Variants in DCAF15 observed in about 807,000 individuals in gnomAD.
The protein encoded by DCAF15 is DDB1- and CUL4-associated factor 15.
A neutral mutation model predicts 68.0 loss-of-function variants in DCAF15; 24 were observed. The observed-to-expected ratio is 0.35, with a 90% CI of 0.26 to 0.50. DCAF15 has a LOEUF of 0.50. DCAF15 is among the 20% of genes least tolerant of loss of function. DCAF15 has a pLI of 0.98. For missense variants in DCAF15, 627 were observed against 830.6 expected, an observed-to-expected ratio of 0.75 and a Z score of 3.01; for synonymous variants, 376 against 341.6, an observed-to-expected ratio of 1.10 and a Z score of -1.11.
In DCAF15 at chr19:13,960,048, C is replaced by A; in HGVS notation, c.1505C>A (p.Pro502His). 6.2e-7 allele frequency: 1 copy of A among 1,613,788 alleles called. No homozygotes were observed. The highest frequency in any genetic ancestry group is 1.3e-5 in the African/African-American group (1 of 75,046). The stretch of plus-strand genomic sequence containing the variant: ...CTGCTGCTCCTGGCCTTCCCGTCCC[C>A]CACTGAGGAGGGCCAGCTCCGGTGA... ...IGLLLLAFPSPTEEGQLRPKT... is the reference protein window; with the variant it reads ...IGLLLLAFPSHTEEGQLRPKT... The change falls in exon 10 of 13, where the codon CCC becomes CAC. Residue 502 changes from proline (P) to histidine (H), a missense_variant. Around this residue, in one of 3 missense-constraint regions of DCAF15, gnomAD observed 118 missense variants for 211.8 expected, o/e 0.56. Transcript: ENST00000254337.
intron 4 of DCAF15, 44 bp downstream of exon 4, chr19:13,956,062 G>C (rs890362339): frequency 1.2e-6 from 2 of 1,612,258 alleles, no homozygotes; most frequent in Non-Finnish European, 1.7e-6. Context: ...TTGGGGCAGG[G>C]GGTGTGCAGT....
Position 13,959,369 on chromosome 19 carries a change from C to T in DCAF15, c.1109C>T (p.Pro370Leu), listed in dbSNP as rs1323782944. The change falls in exon 7 of 13, where the codon CCC (proline) becomes CTC (leucine). Residue 370 changes from proline (P) to leucine (L), a missense_variant. This residue lies in a region of DCAF15 where 236 missense variants were observed against 225.1 expected (regional missense o/e 1.05). Coordinates refer to ENST00000254337, the MANE Select transcript of DCAF15 (RefSeq NM_138353.4). ...CTAGCCCTGTGTGGAGAGACGGCACCCCGGGACAGCCCCCCTGCCTCGGAG... is the reference window on the plus strand; with the variant it reads ...CTAGCCCTGTGTGGAGAGACGGCACTCCGGGACAGCCCCCCTGCCTCGGAG... ...EPLALCGETA[P>L]RDSPPASEAP... is the part of the protein sequence containing the mutation. 3 of 1,605,898 alleles carry T rather than the reference C, an allele frequency of 1.9e-6. No homozygotes were observed. The highest frequency in any genetic ancestry group is 2.5e-6 in the Non-Finnish European group (3 of 1,179,754).
At chr19:13,953,737 C>T (rs904517097) in intron 1 of DCAF15, among the ~76,000 whole-genome samples, 14 of 152,324 alleles carry the variant, frequency 9.2e-5, no homozygotes, top group African/African-American at 2.9e-4. Flanking sequence ...CAGATCCTTC[C>T]GCGGTGAAGT....
intron 3 of DCAF15, 72 bp from the exon 4 acceptor site, chr19:13,955,840 A>C: frequency 4.0e-6 from 6 of 1,494,686 alleles, no homozygotes; most frequent in Non-Finnish European, 5.5e-6. Context: ...CTGATGAGGG[A>C]CTGCATCGTA....
intron 1 of DCAF15, chr19:13,953,354 G>T (rs1973177988): frequency 3.9e-6 from 2 of 514,416 alleles, no homozygotes; most frequent in Admixed American, 3.8e-5. Context: ...GACAGGGACT[G>T]CGCCTTCTCC....
Position 13,955,974 on chromosome 19 carries a change from C to T in DCAF15, c.429C>T (p.Cys143=), listed in dbSNP as rs1192465242. Residue 143 remains cysteine, a synonymous_variant, in exon 4 of 13, where the codon TGC becomes TGT. Coordinates refer to ENST00000254337, the MANE Select transcript of DCAF15 (RefSeq NM_138353.4). The stretch of plus-strand genomic sequence containing the variant: ...ACAGCGACCTGTACCTGACCGTATG[C>T]GAGTGGCCCAGCGACGCCTCCAAGG... ...EIYSDLYLTV[C]EWPSDASKVI... The T allele has an allele frequency of 1.1e-5, 17 of 1,613,872 alleles. No individual in the cohort carries two copies. Among genetic ancestry groups the T allele is most frequent in the Non-Finnish European group, 1.1e-5 (13 of 1,180,008 alleles).
In DCAF15 at chr19:13,954,678, A is replaced by C. The variant is rs777135794; in HGVS notation, c.366+17A>C. The stretch of plus-strand genomic sequence containing the variant: ...CTCAAGCTGGTAGGGAGGCTTCAAC[A>C]CCAGGCTGGCCCTTCAGATGGTGTG... On this transcript the variant is annotated intron_variant, in intron 3 of 12. Coordinates refer to ENST00000254337, the MANE Select transcript of DCAF15 (RefSeq NM_138353.4). The C allele has an allele frequency of 6.2e-7, 1 of 1,613,656 alleles. No individual in the cohort carries two copies.
rs1394679445 is a variant in DCAF15, at chr19:13,959,465, C to T, written c.1205C>T (p.Thr402Met). 15 of 1,609,134 alleles carry T rather than the reference C, an allele frequency of 9.3e-6. No homozygotes were observed. The highest frequency in any genetic ancestry group is 4.0e-5 in the African/African-American group (3 of 74,830). Residue 402 changes from threonine to methionine, a missense_variant, in exon 7 of 13, where the codon ACG (threonine) becomes ATG (methionine). By Grantham distance (81) the Thr-to-Met change is moderately conservative. This residue lies in a region of DCAF15 where 236 missense variants were observed against 225.1 expected (regional missense o/e 1.05). Coordinates refer to ENST00000254337, the MANE Select transcript of DCAF15 (RefSeq NM_138353.4). ...TATGTGCTGGAGTCCGGAGAGGGGACGGAGCCGGAGGATGGTGAGCGGGGG... is the reference window on the plus strand; with the variant it reads ...TATGTGCTGGAGTCCGGAGAGGGGATGGAGCCGGAGGATGGTGAGCGGGGG... ...LYYVLESGEGTEPEDELEDDK... is the reference protein window; with the variant it reads ...LYYVLESGEGMEPEDELEDDK...
chr19:13,954,267 G>A, intron 1 of DCAF15, 73 bp from the exon 2 acceptor site: 1 of 1,338,694 alleles, frequency 7.5e-7, no homozygotes, highest in African/African-American at 1.4e-5. Flanking sequence ...GAGCCGCTCT[G>A]CCTCTCTGCC....
intron 6 of DCAF15, 58 bp downstream of exon 6, chr19:13,956,580 C>G (rs544632606): frequency 6.3e-7 from 1 of 1,580,360 alleles, no homozygotes; most frequent in African/African-American, 1.3e-5. Context: ...CTCTCCCTAC[C>G]CCACCACACA....
At chr19:13,956,634 A>G (rs1973376807) in intron 6 of DCAF15, 112 bp downstream of exon 6, 2 of 1,220,416 alleles carry the variant, frequency 1.6e-6, no homozygotes, top group Non-Finnish European at 2.3e-6. Flanking sequence ...TACTTCCCCA[A>G]GTCACACAGC....
rs768136755 is a variant in DCAF15, at chr19:13,959,840, C to T, written c.1385C>T (p.Ala462Val). Reference sequence around the variant, plus strand: ...ATCAATGAGGTCATCCGCCACGACGCTACCTGGGGCCATCAGTTCTGTTCT... The same window carrying T: ...ATCAATGAGGTCATCCGCCACGACGTTACCTGGGGCCATCAGTTCTGTTCT... ...YVINEVIRHD[A>V]TWGHQFCSFS... The change falls in exon 9 of 13, where the codon GCT (alanine) becomes GTT (valine). Residue 462 changes from alanine (A) to valine (V), a missense_variant. By Grantham distance (64) the Ala-to-Val change is moderately conservative. Transcript: ENST00000254337. 1.9e-6 allele frequency: 3 copies of T among 1,562,088 alleles called. No individual in the cohort carries two copies. Among genetic ancestry groups the T allele is most frequent in the South Asian group, 1.1e-5 (1 of 90,144 alleles).
At position 13,961,219 on chromosome 19, in the gene DCAF15, C is replaced by G; in HGVS notation, c.*224C>G. ...GGGAAGGGGCAGAGAGAGGGCGCCCCCTGCCCCACCAGCCTGAGTGCCCCG... is the reference window on the plus strand; with the variant it reads ...GGGAAGGGGCAGAGAGAGGGCGCCCGCTGCCCCACCAGCCTGAGTGCCCCG... On this transcript the variant is annotated 3_prime_UTR_variant, in exon 13 of 13. Coordinates refer to ENST00000254337, the MANE Select transcript of DCAF15 (RefSeq NM_138353.4). 1 of 598,116 alleles carries G rather than the reference C, an allele frequency of 1.7e-6. No individual in the cohort carries two copies. Among genetic ancestry groups the G allele is most frequent in the Non-Finnish European group, 3.0e-6 (1 of 336,660 alleles). The allele number at this position is 598,116 out of a possible 1,614,324, so 37.1% of individuals were successfully genotyped here.
chr19:13,960,482 C>T lies in DCAF15; in HGVS notation c.1649C>T (p.Ser550Phe). The change falls in exon 12 of 13, where the codon TCC (serine) becomes TTC (phenylalanine). Residue 550 changes from serine (S) to phenylalanine (F), a missense_variant. Physicochemically the swap from Ser to Phe is radical, Grantham distance 155. Coordinates refer to ENST00000254337, the MANE Select transcript of DCAF15 (RefSeq NM_138353.4). Reference protein sequence around the residue: ...KGQTSGSVWSSYRKSCVDMVM... With the variant: ...KGQTSGSVWSFYRKSCVDMVM... The stretch of plus-strand genomic sequence containing the variant: ...CCCCGCAGCGGCAGTGTCTGGAGCT[C>T]CTACCGCAAGAGCTGCGTGGACATG... 2 of 1,611,810 alleles carry T rather than the reference C, an allele frequency of 1.2e-6. No individual in the cohort carries two copies. Among genetic ancestry groups the T allele is most frequent in the East Asian group, 2.2e-5 (1 of 44,840 alleles).
Position 13,959,701 on chromosome 19 carries a change from G to A in DCAF15, c.1311+28G>A, listed in dbSNP as rs748387581. 24 of 1,612,830 alleles carry A rather than the reference G, an allele frequency of 1.5e-5. No homozygotes were observed. In the Admixed American group the frequency reaches 3.8e-4, roughly 26 times the overall value. On this transcript the variant is annotated intron_variant, in intron 8 of 12. Transcript: ENST00000254337. Reference sequence around the variant, plus strand: ...GGGTGTGGGCAGTGGGCGGGCCAAGGACAGTCCCGGGGAGCTGCCGGGGGG... The same window carrying A: ...GGGTGTGGGCAGTGGGCGGGCCAAGAACAGTCCCGGGGAGCTGCCGGGGGG...
chr19:13,956,037 G>T lies in DCAF15; in HGVS notation c.473+19G>T. ...GCTTCAAGTGAGACCAGGCGCCTGG[G>T]GGAGCCTTGGCTGGTTGGGGCAGGG... On this transcript the variant is annotated intron_variant, in intron 4 of 12. Transcript: ENST00000254337. 6.2e-7 allele frequency: 1 copy of T among 1,613,258 alleles called. No individual in the cohort carries two copies. Among genetic ancestry groups the T allele is most frequent in the South Asian group, 1.1e-5 (1 of 91,082 alleles).
intron 6 of DCAF15, 64 bp downstream of exon 6, chr19:13,956,586 A>G: frequency 1.3e-6 from 2 of 1,571,164 alleles, no homozygotes; most frequent in Non-Finnish European, 8.6e-7. Flanking sequence ...CTACCCCACC[A>G]CACAGACAAG....
rs73924871 is a variant in DCAF15 at position 13,956,304 on chromosome 19, C to G, written c.613+42C>G. 2.1e-4 allele frequency: 336 copies of G among 1,611,794 alleles called. 3 individuals are homozygous for G. In the Middle Eastern group the frequency reaches 8.9e-3, roughly 43 times the overall value. On this transcript the variant is annotated intron_variant, in intron 5 of 12. Transcript: ENST00000254337. ...GGCGAGGGCCTCTTCCCCCCTCCCC[C>G]CCTTGCTCCGGGCCGAGAGTGAGCT...
At chr19:13,953,075 C>A in intron 1 of DCAF15, 1 of 1,550,426 alleles carries the variant, frequency 6.4e-7, no homozygotes, top group Non-Finnish European at 8.7e-7. Flanking sequence ...ATGTTCCTCT[C>A]CCTGCCCAAG....
Sources: gnomAD v4.1 joint callset for allele counts (sites outside exome capture counted in the v4.1 genomes callset) on GRCh38, gnomAD v4.1.1 for gene constraint, gnomAD v4.1.1 regional missense constraint, MANE v1.5 for transcripts, NCBI Gene and HGNC (gene_info 2026-07-23, HGNC 2026-07-21) for gene names.